The following MALRD1 variants were observed in gnomAD, a reference collection of about 807,000 sequenced individuals.
MALRD1 encodes the protein MAM and LDL receptor class A domain containing 1.
A neutral mutation model predicts 242.1 loss-of-function variants in MALRD1; 247 were observed. The ratio of observed to expected loss-of-function variants is 1.02; its 90% CI spans 0.92 to 1.13. The LOEUF (loss-of-function observed/expected upper bound fraction) is 1.13. MALRD1 is among the 50% of genes most tolerant of loss of function. The pLI, the probability that MALRD1 is intolerant of heterozygous loss-of-function variation, is 0.00. For missense variants in MALRD1, 2,989 were observed against 2,533.1 expected (o/e 1.18, Z -3.86); for synonymous variants, 995 against 866.6 (o/e 1.15, Z -2.60).
intron 38 of MALRD1, among the ~76,000 whole-genome samples, chr10:19,709,866 T>C (rs948094963): frequency 1.3e-5 from 2 of 152,198 alleles, no homozygotes; most frequent in African/African-American, 4.8e-5. Context: ...CAACAAAGTC[T>C]GGGGCTCATT....
rs368394538 is a variant in MALRD1 at position 19,719,223 on chromosome 10, C to CATATATATATATATATATAT, written c.6315-11466_6315-11447dup. ...ATATATATATATATACACATACATA[C>CATATATATATATATATATAT]ATATATATATATATATATATATATA... is the stretch of plus-strand genomic sequence containing the variant. On this transcript the variant is annotated intron_variant, in intron 38 of 39. Transcript: ENST00000454679. Among the ~76,000 whole-genome samples the CATATATATATATATATATAT allele has an allele frequency of 1.2e-3, 89 of 76,366 alleles. 1 individual carries two copies. The highest frequency in any genetic ancestry group is 1.5e-3 in the Non-Finnish European group (64 of 42,458). 50.1% of individuals were successfully genotyped at this position (76,366 alleles called of 152,430 possible).
chr10:19,292,892 CAAA>C (rs57002523), intron 21 of MALRD1, among the ~76,000 whole-genome samples: 12 of 72,850 alleles, frequency 1.6e-4, no homozygotes, highest in Non-Finnish European at 1.8e-4. Context: ...GACTCTGCCT[CAAA>C]AAAAAAAAAA....
chr10:19,260,215 A>G (rs1839686936), intron 19 of MALRD1, among the ~76,000 whole-genome samples: 1 of 152,156 alleles, frequency 6.6e-6, no homozygotes, highest in African/African-American at 2.4e-5. Context: ...TTATGACTAC[A>G]TTTATTTCTT....
intron 29 of MALRD1, among the ~76,000 whole-genome samples, chr10:19,487,974 T>C (rs1040036714): frequency 6.6e-6 from 1 of 152,192 alleles, no homozygotes; most frequent in African/African-American, 2.4e-5. Flanking sequence ...TTCTTTTTAT[T>C]TGTGGAAGTA....
At chr10:19,146,093 C>A (rs1030404206) in intron 10 of MALRD1, 105 bp from the exon 11 acceptor site, 6 of 798,666 alleles carry the variant, frequency 7.5e-6, no homozygotes, top group African/African-American at 3.6e-5. Context: ...CACTACCAAG[C>A]AGAATAATTT....
chr10:19,612,335 G>A (rs956844082), intron 35 of MALRD1, among the ~76,000 whole-genome samples: 4 of 151,704 alleles, frequency 2.6e-5, no homozygotes, highest in African/African-American at 9.7e-5. Flanking sequence ...TCTCATCTTT[G>A]GCACCTTACT....
chr10:19,276,312 T>G (rs953999050), intron 19 of MALRD1, among the ~76,000 whole-genome samples: 1 of 151,904 alleles, frequency 6.6e-6, no homozygotes, highest in Non-Finnish European at 1.5e-5. Flanking sequence ...ATATATATAT[T>G]TTCAGTAAAA....
intron 26 of MALRD1, among the ~76,000 whole-genome samples, chr10:19,354,861 C>T (rs1844553496): frequency 6.6e-6 from 1 of 151,844 alleles, no homozygotes; most frequent in Non-Finnish European, 1.5e-5. Flanking sequence ...TTACATGCCC[C>T]CTATAAGTAT....
intron 8 of MALRD1, among the ~76,000 whole-genome samples, chr10:19,131,810 A>T (rs181793286): frequency 2.0e-4 from 30 of 152,306 alleles, no homozygotes; most frequent in African/African-American, 6.3e-4. Context: ...TATATTTTTT[A>T]AAAAATTATT....
intron 19 of MALRD1, among the ~76,000 whole-genome samples, chr10:19,262,575 G>C (rs954141601): frequency 4.7e-5 from 7 of 150,112 alleles, no homozygotes; most frequent in Non-Finnish European, 8.9e-5. Context: ...AGAATTGCTT[G>C]AAACTGGGAG....
chr10:19,512,884 T>A, intron 31 of MALRD1, among the ~76,000 whole-genome samples: 1 of 152,206 alleles, frequency 6.6e-6, no homozygotes, highest in Non-Finnish European at 1.5e-5. Context: ...TGCATAGTTT[T>A]AAATAATGGA....
At chr10:19,203,290 G>A (rs960547906) in intron 14 of MALRD1, among the ~76,000 whole-genome samples, 4 of 152,106 alleles carry the variant, frequency 2.6e-5, no homozygotes, top group African/African-American at 9.7e-5. Context: ...TAAATATAGT[G>A]TATCTGGGAT....
chr10:19,314,120 A>G (rs1333831609), intron 21 of MALRD1, among the ~76,000 whole-genome samples: 1 of 151,636 alleles, frequency 6.6e-6, no homozygotes, highest in Non-Finnish European at 1.5e-5. Context: ...CTTGAGTTCA[A>G]GCTACTTTTC....
At chr10:19,394,702 C>A (rs1447219932) in intron 28 of MALRD1, among the ~76,000 whole-genome samples, 1 of 152,102 alleles carries the variant, frequency 6.6e-6, no homozygotes, top group East Asian at 1.9e-4. Flanking sequence ...ATTCCTTATC[C>A]AAAAATCCAA....
intron 2 of MALRD1, among the ~76,000 whole-genome samples, chr10:19,079,048 T>G (rs1590398046): frequency 6.6e-6 from 1 of 151,496 alleles, no homozygotes; most frequent in African/African-American, 2.4e-5. Context: ...TGCTTTGGGT[T>G]TAGTTTTCTC....
chr10:19,249,632 C>T (rs115295626), intron 18 of MALRD1, among the ~76,000 whole-genome samples: 27 of 151,636 alleles, frequency 1.8e-4, no homozygotes, highest in African/African-American at 4.3e-4. Flanking sequence ...ATAGAGAAGA[C>T]GAACATTAAA....
intron 2 of MALRD1, among the ~76,000 whole-genome samples, chr10:19,084,979 T>C (rs1835618306): frequency 6.6e-6 from 1 of 151,996 alleles, no homozygotes; most frequent in Non-Finnish European, 1.5e-5. Flanking sequence ...TTAAGTATCA[T>C]GTAAACAAGC....
intron 24 of MALRD1, among the ~76,000 whole-genome samples, chr10:19,341,471 TG>T: frequency 1.2e-5 from 1 of 83,316 alleles, no homozygotes; most frequent in Middle Eastern, 5.9e-3. Flanking sequence ...TATGTATATA[TG>T]TATATATATG....
chr10:19,237,589 T>A (rs1342970104), intron 18 of MALRD1, among the ~76,000 whole-genome samples: 636 of 8,466 alleles, frequency 0.075, 4 homozygotes, highest in African/African-American at 0.11. Context: ...TATAATTATA[T>A]AATTATATAA....
Sources: gnomAD v4.1 joint callset for allele counts (sites outside exome capture counted in the v4.1 genomes callset) on GRCh38, gnomAD v4.1.1 for gene constraint, MANE v1.5 for transcripts, NCBI Gene and HGNC (gene_info 2026-07-23, HGNC 2026-07-21) for gene names.